MDGA2: variants seen among roughly 807,000 people sequenced by gnomAD.
MDGA2 encodes the protein MAM domain containing glycosylphosphatidylinositol anchor 2, also known as MAM domain-containing glycosylphosphatidylinositol anchor protein 2.
In MDGA2, 40 loss-of-function variants were observed where a neutral mutation model predicts 117.8. The ratio of observed to expected loss-of-function variants is 0.34; its 90% CI spans 0.26 to 0.44. MDGA2 has a LOEUF of 0.44. Among genes scored for constraint, MDGA2 ranks in the 20% least tolerant of loss-of-function variants. The pLI is 1.00. For missense variants in MDGA2, 1,123 were observed against 1,250.6 expected (o/e 0.90, Z 1.54); for synonymous variants, 452 against 439.0 (o/e 1.03, Z -0.37).
In MDGA2 at chr14:47,173,923, C is replaced by T. The variant is rs1287324964; in HGVS notation, c.596-29649G>A. 1.3e-5 allele frequency among the ~76,000 whole-genome samples: 2 copies of T among 152,182 alleles called. 1 individual carries two copies. The highest frequency in any genetic ancestry group is 4.8e-5 in the African/African-American group (2 of 41,498). ...AATCCAGCTCATGCGCAGAGACACA[C>T]ATAGGCTCAAAATAAAAGGATGGAG... is the stretch of plus-strand genomic sequence containing the variant. On this transcript the variant is annotated intron_variant, in intron 3 of 16. Coordinates refer to ENST00000399232, the MANE Select transcript of MDGA2 (RefSeq NM_001113498.3).
At chr14:47,627,989 T>C (rs1225029066) in intron 1 of MDGA2, among the ~76,000 whole-genome samples, 1 of 152,174 alleles carries the variant, frequency 6.6e-6, no homozygotes, top group Non-Finnish European at 1.5e-5. Flanking sequence ...CGCGGCTTCA[T>C]TCTTGAAGTC....
intron 10 of MDGA2, among the ~76,000 whole-genome samples, chr14:46,888,547 T>C (rs1882755031): frequency 6.6e-6 from 1 of 151,956 alleles, no homozygotes; most frequent in South Asian, 2.1e-4. Flanking sequence ...TTGTTATTTT[T>C]ACCACAGAAG....
chr14:47,412,277 T>C (rs1892389495), intron 1 of MDGA2, among the ~76,000 whole-genome samples: 1 of 151,856 alleles, frequency 6.6e-6, no homozygotes, highest in African/African-American at 2.4e-5. Flanking sequence ...ATAAAAAAAT[T>C]ATTTCCTTTT....
intron 1 of MDGA2, among the ~76,000 whole-genome samples, chr14:47,437,488 T>C (rs1048761746): frequency 6.6e-6 from 1 of 152,196 alleles, no homozygotes; most frequent in Non-Finnish European, 1.5e-5. Context: ...TGCAAATTAC[T>C]AGAAGACAAT....
intron 7 of MDGA2, 24 bp from the exon 8 acceptor site, chr14:47,035,328 T>G: frequency 1.3e-6 from 2 of 1,588,900 alleles, no homozygotes; most frequent in Non-Finnish European, 1.7e-6. Context: ...AAAGAAAATT[T>G]TTCAAGGTTA....
intron 2 of MDGA2, among the ~76,000 whole-genome samples, chr14:47,296,241 G>A (rs77471249): frequency 4.3e-4 from 65 of 149,874 alleles, no homozygotes; most frequent in African/African-American, 1.4e-3. Flanking sequence ...TAAGCTGTTA[G>A]AAAAAAAAAT....
At chr14:47,378,606 A>C (rs1212801894) in intron 1 of MDGA2, among the ~76,000 whole-genome samples, 1 of 152,180 alleles carries the variant, frequency 6.6e-6, no homozygotes, top group Non-Finnish European at 1.5e-5. Context: ...CAAGTGGAAG[A>C]AAGGGTATCA....
At chr14:47,146,074 G>A (rs1389543593) in intron 3 of MDGA2, among the ~76,000 whole-genome samples, 1 of 152,052 alleles carries the variant, frequency 6.6e-6, no homozygotes, top group African/African-American at 2.4e-5. Flanking sequence ...ATGCTACCCT[G>A]AATATTTAAA....
In MDGA2 at chr14:47,674,676, G is replaced by A; in HGVS notation, c.121C>T (p.Arg41Ter). 2.3e-6 allele frequency: 3 copies of A among 1,302,074 alleles called. No homozygotes were observed. Among genetic ancestry groups the A allele is most frequent in the Non-Finnish European group, 3.3e-6 (3 of 920,636 alleles). 80.7% of individuals were successfully genotyped at this position (1,302,074 alleles called of 1,614,324 possible). Residue 41 changes from arginine to a stop codon, truncating the protein, a stop_gained, in exon 1 of 17, where the codon CGA becomes TGA. Transcript: ENST00000399232. LOFTEE classifies it high-confidence loss of function. The part of the protein sequence containing the change: ...VPGHLGLARA[R>*]VERAWLAAGL... ...GCGGCCAGCCAGGCGCGCTCCACTC[G>A]CGCCCGGGCCAAGCCGAGGTGCCCG...
intron 1 of MDGA2, among the ~76,000 whole-genome samples, chr14:47,488,409 C>T (rs1894102868): frequency 6.6e-6 from 1 of 152,092 alleles, no homozygotes; most frequent in Admixed American, 6.6e-5. Context: ...TGACATCCCA[C>T]CTCCTATATT....
At chr14:47,315,690 G>A (rs776729038) in intron 1 of MDGA2, among the ~76,000 whole-genome samples, 78 of 152,078 alleles carry the variant, frequency 5.1e-4, no homozygotes, top group Admixed American at 2.5e-3. Flanking sequence ...AGCTCATTAA[G>A]GTTTAGGTCA....
intron 1 of MDGA2, among the ~76,000 whole-genome samples, chr14:47,324,836 C>CAGAG (rs918649667): frequency 6.7e-6 from 1 of 149,298 alleles, no homozygotes; most frequent in Admixed American, 6.7e-5. Flanking sequence ...ATTGTATACA[C>CAGAG]AGAGAGAGAG....
intron 5 of MDGA2, among the ~76,000 whole-genome samples, chr14:47,115,982 C>G (rs549681790): frequency 1.3e-5 from 2 of 152,024 alleles, no homozygotes; most frequent in Admixed American, 1.3e-4. Flanking sequence ...TGAAAAGGAA[C>G]GAGTGAAACT....
chr14:47,068,393 T>C, intron 6 of MDGA2, among the ~76,000 whole-genome samples: 1 of 102,622 alleles, frequency 9.7e-6, no homozygotes, highest in East Asian at 2.3e-4. Context: ...ACCATTTTAA[T>C]CCTATTTTAA....
chr14:47,379,344 A>T (rs1891554404), intron 1 of MDGA2, among the ~76,000 whole-genome samples: 1 of 152,224 alleles, frequency 6.6e-6, no homozygotes, highest in African/African-American at 2.4e-5. Flanking sequence ...CGTCATAATG[A>T]CAGGATCAAA....
chr14:47,038,445 C>A (rs992644450), intron 7 of MDGA2, among the ~76,000 whole-genome samples: 1 of 152,056 alleles, frequency 6.6e-6, no homozygotes, highest in African/African-American at 2.4e-5. Flanking sequence ...TAAATGTTAT[C>A]ATGCTAAATA....
At chr14:46,967,724 C>T (rs1381506830) in intron 8 of MDGA2, among the ~76,000 whole-genome samples, 1 of 152,264 alleles carries the variant, frequency 6.6e-6, no homozygotes, top group South Asian at 2.1e-4. Context: ...AATGACAGAA[C>T]TTGCAGATAG....
intron 7 of MDGA2, among the ~76,000 whole-genome samples, chr14:47,055,678 T>G (rs1889649710): frequency 6.6e-6 from 1 of 152,130 alleles, no homozygotes; most frequent in Admixed American, 6.6e-5. Flanking sequence ...ATATCAAAAG[T>G]GTAGGTTTGA....
intron 1 of MDGA2, among the ~76,000 whole-genome samples, chr14:47,512,216 G>A (rs894057789): frequency 3.3e-5 from 5 of 151,926 alleles, no homozygotes; most frequent in Admixed American, 6.6e-5. Context: ...AGTGTAAAAC[G>A]TTTCCTGTTT....
Sources: gnomAD v4.1 joint callset for allele counts (sites outside exome capture counted in the v4.1 genomes callset) on GRCh38, gnomAD v4.1.1 for gene constraint, MANE v1.5 for transcripts, NCBI Gene and HGNC (gene_info 2026-07-23, HGNC 2026-07-21) for gene names.